The following ARHGAP24 variants were observed in gnomAD, a reference collection of about 807,000 sequenced individuals.
ARHGAP24 encodes rho GTPase-activating protein 24.
Under a neutral mutation model 76.4 loss-of-function variants are expected in ARHGAP24, and 50 were observed. That is an observed-to-expected ratio of 0.65 (90% CI 0.52 to 0.83). The LOEUF (loss-of-function observed/expected upper bound fraction) is 0.83. Among genes scored for constraint, ARHGAP24 ranks in the 40% least tolerant of loss-of-function variants. The pLI, the probability that ARHGAP24 is intolerant of heterozygous loss-of-function variation, is 0.00. For synonymous variants in ARHGAP24, 345 were observed against 323.3 expected (o/e 1.07, Z -0.72); for missense variants, 930 against 914.2 (o/e 1.02, Z -0.22).
intron 3 of ARHGAP24, among the ~76,000 whole-genome samples, chr4:85,752,236 C>T (rs988655629): frequency 2.0e-5 from 3 of 152,132 alleles, no homozygotes; most frequent in Admixed American, 2.0e-4. Context: ...CAGGCCCATT[C>T]GGTGTGTGCA....
chr4:85,574,691 G>A (rs1727299475), intron 2 of ARHGAP24, among the ~76,000 whole-genome samples: 1 of 152,204 alleles, frequency 6.6e-6, no homozygotes, highest in African/African-American at 2.4e-5. Context: ...AATCATGACA[G>A]TTGTTTCCTA....
At chr4:85,695,677 T>A (rs1259677894) in intron 2 of ARHGAP24, among the ~76,000 whole-genome samples, 1 of 152,182 alleles carries the variant, frequency 6.6e-6, no homozygotes, top group Non-Finnish European at 1.5e-5. Flanking sequence ...TGATGAGTTA[T>A]AATAGCAGGA....
chr4:85,510,836 T>A (rs74982487), intron 1 of ARHGAP24, among the ~76,000 whole-genome samples: 18 of 1,636 alleles, frequency 0.011, no homozygotes, highest in Non-Finnish European at 0.013. Context: ...TCTCTCGCTC[T>A]CTCTCTCTTC....
At chr4:85,943,178 G>A (rs535691548) in intron 5 of ARHGAP24, among the ~76,000 whole-genome samples, 79 of 152,200 alleles carry the variant, frequency 5.2e-4, no homozygotes, top group African/African-American at 1.8e-3. Context: ...GATTACTTAG[G>A]ATAAATTCTC....
At chr4:85,994,473 GATA>G (rs1373303926) in intron 8 of ARHGAP24, 107 bp from the exon 9 acceptor site, 2 of 1,088,150 alleles carry the variant, frequency 1.8e-6, no homozygotes, top group Non-Finnish European at 1.4e-6. Flanking sequence ...GTTTGGTACT[GATA>G]ATAATAATGA....
intron 2 of ARHGAP24, among the ~76,000 whole-genome samples, chr4:85,592,370 T>C (rs1728149211): frequency 6.6e-6 from 1 of 152,226 alleles, no homozygotes; most frequent in Non-Finnish European, 1.5e-5. Context: ...TTTGTCTCTA[T>C]TGAGTTATTT....
chr4:85,628,872 T>A lies in ARHGAP24; in HGVS notation c.180+58151T>A, dbSNP rs539233597. On this transcript the variant is annotated intron_variant, in intron 2 of 9. Coordinates refer to ENST00000395184, the MANE Select transcript of ARHGAP24 (RefSeq NM_001025616.3). Reference sequence around the variant, plus strand: ...CTTCTTTAATTTTAATCTATATGTGTCTTTAAAGCAAAAGTGAGTTTCTTA... The same window carrying A: ...CTTCTTTAATTTTAATCTATATGTGACTTTAAAGCAAAAGTGAGTTTCTTA... Among the ~76,000 whole-genome samples, 3 of 152,324 alleles carry A rather than the reference T, an allele frequency of 2.0e-5. No individual in the cohort carries two copies. In the South Asian group the frequency reaches 6.2e-4, roughly 32 times the overall value.
chr4:85,544,975 G>A (rs1725860017), intron 1 of ARHGAP24, among the ~76,000 whole-genome samples: 1 of 151,934 alleles, frequency 6.6e-6, no homozygotes, highest in South Asian at 2.1e-4. Flanking sequence ...CGCTACACAG[G>A]TGACTGCAGA....
intron 3 of ARHGAP24, among the ~76,000 whole-genome samples, chr4:85,747,487 A>G (rs1244475845): frequency 1.3e-5 from 2 of 152,206 alleles, no homozygotes; most frequent in African/African-American, 2.4e-5. Context: ...GCGGATCACG[A>G]GGTCAGGAGA....
chr4:85,710,699 TATGA>T (rs1272802370), intron 2 of ARHGAP24, among the ~76,000 whole-genome samples: 10 of 152,230 alleles, frequency 6.6e-5, no homozygotes, highest in Admixed American at 6.5e-4. Context: ...CCAAAAAGCA[TATGA>T]AAATACAGGT....
intron 3 of ARHGAP24, among the ~76,000 whole-genome samples, chr4:85,724,221 A>T (rs1725070107): frequency 6.6e-6 from 1 of 152,152 alleles, no homozygotes; most frequent in Non-Finnish European, 1.5e-5. Flanking sequence ...AAAATCTATC[A>T]TAAAGATGAT....
chr4:85,526,650 C>G (rs535744996), intron 1 of ARHGAP24, among the ~76,000 whole-genome samples: 17 of 152,056 alleles, frequency 1.1e-4, no homozygotes, highest in African/African-American at 4.8e-5. Context: ...ATTTATCAAA[C>G]TAACTTTTAT....
At chr4:85,573,696 T>A (rs1727232338) in intron 2 of ARHGAP24, among the ~76,000 whole-genome samples, 1 of 152,212 alleles carries the variant, frequency 6.6e-6, no homozygotes, top group South Asian at 2.1e-4. Context: ...AAATAATTTG[T>A]CCTAAAACCT....
At chr4:85,682,284 C>T (rs945807126) in intron 2 of ARHGAP24, among the ~76,000 whole-genome samples, 2 of 152,180 alleles carry the variant, frequency 1.3e-5, no homozygotes, top group South Asian at 4.1e-4. Flanking sequence ...TACAATTATG[C>T]CAGCAGAGTG....
At chr4:85,864,796 G>A (rs555607365) in intron 3 of ARHGAP24, among the ~76,000 whole-genome samples, 1 of 152,066 alleles carries the variant, frequency 6.6e-6, no homozygotes, top group African/African-American at 2.4e-5. Context: ...TAGGGAGAGG[G>A]AATTTATGCA....
chr4:85,599,855 ATTTAT>A (rs1719976929), intron 2 of ARHGAP24, among the ~76,000 whole-genome samples: 1 of 152,140 alleles, frequency 6.6e-6, no homozygotes, highest in African/African-American at 2.4e-5. Flanking sequence ...AACAAAATAA[ATTTAT>A]TTTATTTGTT....
At position 85,994,786 on chromosome 4, in the gene ARHGAP24, AAGTCTG is replaced by A. The variant is rs766552636; in HGVS notation, c.1137_1142del (p.Glu380_Ser381del). 1.2e-6 allele frequency: 2 copies of A among 1,614,034 alleles called. No individual in the cohort carries two copies. The highest frequency in any genetic ancestry group is 2.7e-5 in the African/African-American group (2 of 74,926). On this transcript the variant is annotated inframe_deletion, in exon 9 of 10. Transcript: ENST00000395184. Reference sequence around the variant, plus strand: ...CCCTAGTAGGCAGTGCTCCTGGGACAAGTCTGAGTCACCCCAGAGAAGCAGCATGAA... The same window carrying A: ...CCCTAGTAGGCAGTGCTCCTGGGACAAGTCACCCCAGAGAAGCAGCATGAA...
chr4:85,651,795 TGA>T (rs1231661733), intron 2 of ARHGAP24, among the ~76,000 whole-genome samples: 9 of 150,054 alleles, frequency 6.0e-5, no homozygotes, highest in African/African-American at 2.3e-4. Context: ...ATTAAATTAA[TGA>T]TTTCCTCTTA....
chr4:85,495,809 G>A (rs1307059854), intron 1 of ARHGAP24, among the ~76,000 whole-genome samples: 4 of 152,150 alleles, frequency 2.6e-5, no homozygotes, highest in Non-Finnish European at 5.9e-5. Context: ...AGTAGACAGA[G>A]GCATGAGAGT....
Sources: allele counts gnomAD v4.1 joint callset (sites outside exome capture counted in the v4.1 genomes callset), GRCh38; gene constraint gnomAD v4.1.1; transcripts MANE v1.5; gene names NCBI Gene and HGNC (gene_info 2026-07-23, HGNC 2026-07-21).